Variants in MOV10L1 observed in about 807,000 individuals in gnomAD.
The protein encoded by MOV10L1 is RNA helicase Mov10l1.
In MOV10L1, 110 loss-of-function variants were observed where a neutral mutation model predicts 143.8. The ratio of observed to expected loss-of-function variants is 0.76; its 90% confidence interval spans 0.66 to 0.90. The LOEUF (loss-of-function observed/expected upper bound fraction) is 0.90. MOV10L1 is among the 40% of genes least tolerant of loss of function. The pLI is 0.00. For missense variants in MOV10L1, 1,406 were observed against 1,526.8 expected, an observed-to-expected ratio of 0.92 and a Z score of 1.32; for synonymous variants, 593 against 581.1, an observed-to-expected ratio of 1.02 and a Z score of -0.29.
Position 50,150,881 on chromosome 22 carries a change from C to T in MOV10L1, c.2874C>T (p.Gly958=), listed in dbSNP as rs1433414218. ...ACGAAAATGCTTTCGGTGCTTGTGG[C>T]GCACATAATCCCCTGTTGGTGAGTC... ...QRDENAFGAC[G]AHNPLLVTKL... Residue 958 remains glycine (G), a synonymous_variant, in exon 21 of 27, where the codon GGC becomes GGT. Transcript: ENST00000262794. 2 of 1,614,136 alleles carry T rather than the reference C, an allele frequency of 1.2e-6. No homozygotes were observed. The highest frequency in any genetic ancestry group is 8.5e-7 in the Non-Finnish European group (1 of 1,180,016).
chr22:50,114,325 G>A (rs2062108619), intron 6 of MOV10L1, 56 bp from the exon 7 acceptor site: 2 of 1,582,754 alleles, frequency 1.3e-6, no homozygotes, highest in Admixed American at 1.7e-5. Context: ...TATGATAACT[G>A]AATATTTTGG....
intron 15 of MOV10L1, 55 bp from the exon 16 acceptor site, chr22:50,142,026 G>A (rs754879331): frequency 6.8e-7 from 1 of 1,467,128 alleles, no homozygotes; most frequent in Non-Finnish European, 9.4e-7. Context: ...TTTCAACCAA[G>A]CCAGTGTAAA....
chr22:50,092,203 T>G lies in MOV10L1; in HGVS notation c.282+18T>G, dbSNP rs1389590969. 1 of 1,604,370 alleles carries G rather than the reference T, an allele frequency of 6.2e-7. No homozygotes were observed. Among genetic ancestry groups the G allele is most frequent in the South Asian group, 1.1e-5 (1 of 89,992 alleles). On this transcript the variant is annotated intron_variant, in intron 2 of 26. Coordinates refer to ENST00000262794, the MANE Select transcript of MOV10L1 (RefSeq NM_018995.3). ...CAATCAGGGTAAGGTTTGAGTTCAT[T>G]TGGGAACAGTTTTTCTTCGCCACGG...
intron 17 of MOV10L1, 155 bp downstream of exon 17, chr22:50,143,376 G>A (rs2063046003): frequency 1.2e-6 from 1 of 843,402 alleles, no homozygotes; most frequent in Non-Finnish European, 1.9e-6. Flanking sequence ...TGTTTTTGTG[G>A]ATATGTAGGG....
intron 15 of MOV10L1, among the ~76,000 whole-genome samples, chr22:50,138,083 A>G (rs1471595259): frequency 6.6e-6 from 1 of 152,142 alleles, no homozygotes; most frequent in Non-Finnish European, 1.5e-5. Context: ...TCCAGCATCC[A>G]TTCCTGATCA....
intron 9 of MOV10L1, among the ~76,000 whole-genome samples, chr22:50,119,700 C>T (rs1331587212): frequency 6.7e-6 from 1 of 150,224 alleles, no homozygotes; most frequent in Non-Finnish European, 1.5e-5. Context: ...TCAGCACAAA[C>T]CATGGGGAAT....
chr22:50,148,560 G>A (rs542795783), intron 19 of MOV10L1, among the ~76,000 whole-genome samples: 1 of 152,302 alleles, frequency 6.6e-6, no homozygotes, highest in South Asian at 2.1e-4. Context: ...GAGCCGGACA[G>A]GTACCCGCCA....
At chr22:50,116,473 G>A (rs1490567821) in intron 8 of MOV10L1, among the ~76,000 whole-genome samples, 1 of 151,710 alleles carries the variant, frequency 6.6e-6, no homozygotes, top group Non-Finnish European at 1.5e-5. Context: ...CCATAGGGGG[G>A]CACAAAGTGT....
rs1371099428 is a variant in MOV10L1 at position 50,117,335 on chromosome 22, G to T, written c.1438G>T (p.Val480Leu). The change falls in exon 9 of 27, where the codon GTG (valine) becomes TTG (leucine). Residue 480 changes from valine (V) to leucine (L), a missense_variant. By Grantham distance (32) the Val-to-Leu change is conservative. Transcript: ENST00000262794. ...ALTSAKTTVV[V>L]TAQKRNSRRQ... ...AACATCCGCAAAAACTACAGTTGTTGTGACCGCACAGAAAAGGTACCATAA... is the reference window on the plus strand; with the variant it reads ...AACATCCGCAAAAACTACAGTTGTTTTGACCGCACAGAAAAGGTACCATAA... The T allele has an allele frequency of 6.2e-7, 1 of 1,613,798 alleles. No homozygotes were observed. Among genetic ancestry groups the T allele is most frequent in the Non-Finnish European group, 8.5e-7 (1 of 1,179,910 alleles).
Position 50,153,030 on chromosome 22 carries a change from A to G in MOV10L1, c.2893-15A>G, listed in dbSNP as rs117525895. 1.5e-3 allele frequency: 2,394 copies of G among 1,586,106 alleles called. 52 individuals are homozygous for G. The East Asian group carries it at 0.046, about 30-fold the overall frequency. Reference sequence around the variant, plus strand: ...TACCACCTTCCCCTTGTGACCCATCACCATCTCCTCGCAGGTCACAAAGCT... The same window carrying G: ...TACCACCTTCCCCTTGTGACCCATCGCCATCTCCTCGCAGGTCACAAAGCT... On this transcript the variant is annotated splice_polypyrimidine_tract_variant and intron_variant, in intron 21 of 26. Transcript: ENST00000262794.
intron 5 of MOV10L1, among the ~76,000 whole-genome samples, chr22:50,111,745 C>T (rs764394680): frequency 7.2e-5 from 11 of 152,046 alleles, no homozygotes; most frequent in Non-Finnish European, 1.3e-4. Flanking sequence ...CCTCATGATC[C>T]GCCCACCTCA....
intron 3 of MOV10L1, among the ~76,000 whole-genome samples, chr22:50,105,912 G>A (rs2147088504): frequency 1.3e-5 from 2 of 152,316 alleles, no homozygotes; most frequent in Middle Eastern, 3.4e-3. Flanking sequence ...CCAGCTGGCT[G>A]CATGTCTGGA....
At chr22:50,139,123 G>C (rs924375659) in intron 15 of MOV10L1, among the ~76,000 whole-genome samples, 10 of 152,068 alleles carry the variant, frequency 6.6e-5, no homozygotes, top group Non-Finnish European at 1.5e-4. Flanking sequence ...TCTTGGGCCG[G>C]AAGATTCCAT....
At chr22:50,098,492 G>C (rs915874887) in intron 2 of MOV10L1, among the ~76,000 whole-genome samples, 1 of 152,098 alleles carries the variant, frequency 6.6e-6, no homozygotes, top group Non-Finnish European at 1.5e-5. Flanking sequence ...GTTATAAATG[G>C]AATTGTTTTC....
intron 8 of MOV10L1, among the ~76,000 whole-genome samples, chr22:50,116,111 C>T (rs573420082): frequency 6.6e-6 from 1 of 152,050 alleles, no homozygotes; most frequent in African/African-American, 2.4e-5. Flanking sequence ...AAACTTAAAT[C>T]TGATTAAATC....
Position 50,104,834 on chromosome 22 carries a change from G to A in MOV10L1, c.443-3302G>A, listed in dbSNP as rs187082600. On this transcript the variant is annotated intron_variant, in intron 3 of 26. Transcript: ENST00000262794. ...ATTGCGTGGTGTCGTCTTCAAAGTT[G>A]CATTTTATGGTTGATGAATTTGAAA... Among the ~76,000 whole-genome samples, 17 of 150,524 alleles carry A rather than the reference G, an allele frequency of 1.1e-4. No individual in the cohort carries two copies. The East Asian group carries it at 3.3e-3, about 29-fold the overall frequency.
chr22:50,093,740 G>C (rs1429152027), intron 2 of MOV10L1: 1 of 152,116 alleles, frequency 6.6e-6, no homozygotes, highest in Non-Finnish European at 1.5e-5. Flanking sequence ...GAAACTCCTG[G>C]CCTCGAGTGG....
chr22:50,119,303 G>A (rs1322718715), intron 9 of MOV10L1, among the ~76,000 whole-genome samples: 1 of 152,178 alleles, frequency 6.6e-6, no homozygotes, highest in East Asian at 1.9e-4. Context: ...TGGAGCACCA[G>A]GTGTCTGGAC....
chr22:50,161,616 A>G lies in MOV10L1; in HGVS notation c.*167A>G, dbSNP rs560109729. ...CAGCTGCTGCTGCCCTGACTTTGGC[A>G]TATGCCAGCCTGTTCCTGCCACAGG... is the stretch of plus-strand genomic sequence containing the variant. On this transcript the variant is annotated 3_prime_UTR_variant, in exon 27 of 27. Transcript: ENST00000262794. 9.7e-5 allele frequency: 63 copies of G among 647,382 alleles called. No homozygotes were observed. The African/African-American group carries it at 1.0e-3, about 11-fold the overall frequency. The allele number at this position is 647,382 out of a possible 1,614,324, so 40.1% of individuals were successfully genotyped here.
Sources: gnomAD v4.1 joint callset for allele counts (sites outside exome capture counted in the v4.1 genomes callset) on GRCh38, gnomAD v4.1.1 for gene constraint, MANE v1.5 for transcripts, NCBI Gene and HGNC (gene_info 2026-07-23, HGNC 2026-07-21) for gene names.